STPG2: variants seen among roughly 807,000 people sequenced by gnomAD.
STPG2 encodes the protein sperm-tail PG-rich repeat-containing protein 2.
A neutral mutation model predicts 54.2 loss-of-function variants in STPG2; 56 were observed. The observed-to-expected ratio is 1.03, with a 90% CI of 0.83 to 1.29. The LOEUF is 1.29. Ranked by LOEUF, STPG2 falls within the 50% of genes most tolerant of loss-of-function variation. The probability of loss-of-function intolerance (pLI) is 0.00; values close to 1 mark genes in which losing one functional copy is unlikely to be tolerated. For synonymous variants in STPG2, 200 were observed against 181.8 expected (o/e 1.10, Z -0.81); for missense variants, 596 against 544.9 (o/e 1.09, Z -0.93).
At chr4:98,127,588 ACTT>A (rs1235811213) in intron 3 of STPG2, among the ~76,000 whole-genome samples, 1 of 152,204 alleles carries the variant, frequency 6.6e-6, no homozygotes, top group Non-Finnish European at 1.5e-5. Context: ...CACTAGAATT[ACTT>A]CTTCTACATC....
chr4:98,141,530 T>C (rs990774243), intron 1 of STPG2, among the ~76,000 whole-genome samples: 1 of 152,180 alleles, frequency 6.6e-6, no homozygotes, highest in East Asian at 1.9e-4. Flanking sequence ...ACTCAACCAA[T>C]TGTCAACCAG....
At chr4:98,030,557 A>G (rs1474564098) in intron 5 of STPG2, among the ~76,000 whole-genome samples, 1 of 152,224 alleles carries the variant, frequency 6.6e-6, no homozygotes, top group African/African-American at 2.4e-5. Flanking sequence ...TGGAACCAGA[A>G]AAGAGCCTGA....
At chr4:97,852,967 C>CTTTTTTT (rs574886386) in intron 8 of STPG2, among the ~76,000 whole-genome samples, 4 of 69,648 alleles carry the variant, frequency 5.7e-5, no homozygotes, top group African/African-American at 6.3e-5. Flanking sequence ...AACATATTTT[C>CTTTTTTT]TTTTTTTTTT....
chr4:97,992,216 AT>A, intron 5 of STPG2, among the ~76,000 whole-genome samples: 1 of 152,248 alleles, frequency 6.6e-6, no homozygotes, highest in East Asian at 1.9e-4. Flanking sequence ...ATCTTCTAGA[AT>A]TTTTAGGGTT....
intron 9 of STPG2, among the ~76,000 whole-genome samples, chr4:97,736,541 C>T (rs558984537): frequency 4.6e-5 from 7 of 152,222 alleles, no homozygotes; most frequent in East Asian, 1.9e-4. Context: ...TAAAAAACGG[C>T]ACACCAGGAG....
At chr4:97,714,274 T>A (rs1724221976) in intron 9 of STPG2, among the ~76,000 whole-genome samples, 1 of 152,210 alleles carries the variant, frequency 6.6e-6, no homozygotes, top group South Asian at 2.1e-4. Context: ...ACATTTTTAA[T>A]GTTTTTAGCT....
intron 5 of STPG2, among the ~76,000 whole-genome samples, chr4:98,001,023 A>C (rs1319894424): frequency 6.6e-6 from 1 of 152,132 alleles, no homozygotes; most frequent in African/African-American, 2.4e-5. Context: ...TTTTAACCAA[A>C]CATGAAATTG....
At chr4:97,526,132 T>G (rs1731275830) in intron 4 of STPG2, among the ~76,000 whole-genome samples, 1 of 152,042 alleles carries the variant, frequency 6.6e-6, no homozygotes, top group African/African-American at 2.4e-5. Flanking sequence ...ATACTTCATG[T>G]AGATTATTAA....
At chr4:97,936,177 T>C (rs975107378) in intron 8 of STPG2, among the ~76,000 whole-genome samples, 1 of 152,202 alleles carries the variant, frequency 6.6e-6, no homozygotes, top group Non-Finnish European at 1.5e-5. Context: ...AAAGTCTGTT[T>C]CGTCAGAGAC....
intron 8 of STPG2, among the ~76,000 whole-genome samples, chr4:97,863,685 C>T (rs2149144234): frequency 6.6e-6 from 1 of 152,052 alleles, no homozygotes; most frequent in African/African-American, 2.4e-5. Flanking sequence ...TAAACATTGA[C>T]ACAAAAATCC....
chr4:97,454,466 T>C (rs1019375274), intron 4 of STPG2, among the ~76,000 whole-genome samples: 4 of 130,488 alleles, frequency 3.1e-5, no homozygotes, highest in African/African-American at 5.6e-5. Context: ...TGAGCCGAGA[T>C]TGCGCCACTG....
At chr4:97,805,044 T>C (rs886963836) in intron 9 of STPG2, among the ~76,000 whole-genome samples, 6 of 152,120 alleles carry the variant, frequency 3.9e-5, no homozygotes, top group Admixed American at 3.9e-4. Flanking sequence ...CATATTTCCA[T>C]CACCAACCAA....
At chr4:97,587,804 A>C (rs1341821569) in intron 10 of STPG2, among the ~76,000 whole-genome samples, 2 of 152,210 alleles carry the variant, frequency 1.3e-5, no homozygotes, top group East Asian at 1.9e-4. Context: ...TAAAGGAATT[A>C]GAAACTAGGA....
intron 4 of STPG2, among the ~76,000 whole-genome samples, chr4:97,480,981 C>A (rs1730206567): frequency 6.6e-6 from 1 of 151,406 alleles, no homozygotes; most frequent in Non-Finnish European, 1.5e-5. Flanking sequence ...CCTAAGGACA[C>A]AAAGATTTCC....
intron 7 of STPG2, among the ~76,000 whole-genome samples, chr4:97,961,829 C>T (rs761483159): frequency 6.6e-5 from 10 of 152,178 alleles, no homozygotes; most frequent in Non-Finnish European, 1.5e-4. Flanking sequence ...AGTAGAACTA[C>T]CATTTGATCC....
intron 9 of STPG2, among the ~76,000 whole-genome samples, chr4:97,733,355 A>T (rs1462023201): frequency 1.3e-5 from 2 of 152,102 alleles, no homozygotes; most frequent in Non-Finnish European, 2.9e-5. Context: ...ATCAAAAATC[A>T]TATATTCTCA....
intron 7 of STPG2, among the ~76,000 whole-genome samples, chr4:97,965,553 AC>A (rs1734066660): frequency 6.6e-6 from 1 of 152,012 alleles, no homozygotes; most frequent in Non-Finnish European, 1.5e-5. Flanking sequence ...TGGGGCCCTG[AC>A]CCCCACGTAG....
intron 9 of STPG2, among the ~76,000 whole-genome samples, chr4:97,714,797 A>G (rs1724239751): frequency 1.3e-5 from 2 of 152,132 alleles, no homozygotes. Context: ...TAGTCAGTTA[A>G]TTGAAAATTG....
chr4:97,912,490 C>T (rs146931313), intron 8 of STPG2, among the ~76,000 whole-genome samples: 5 of 152,160 alleles, frequency 3.3e-5, no homozygotes, highest in Admixed American at 1.3e-4. Context: ...CCTGATGGAG[C>T]TGAAATACAA....
Sources: allele counts gnomAD v4.1 joint callset (sites outside exome capture counted in the v4.1 genomes callset), GRCh38; gene constraint gnomAD v4.1.1; transcripts MANE v1.5; gene names NCBI Gene and HGNC (gene_info 2026-07-23, HGNC 2026-07-21).